Variants in KSR1 observed in about 807,000 individuals in gnomAD.
The protein encoded by KSR1 is kinase suppressor of ras 1.
In KSR1, 35 loss-of-function variants were observed where a neutral mutation model predicts 92.9. The observed-to-expected ratio is 0.38, with a 90% CI of 0.29 to 0.50. The LOEUF is 0.50. Among genes scored for constraint, KSR1 ranks in the 20% least tolerant of loss-of-function variants. KSR1 has a pLI of 0.94. For synonymous variants in KSR1, 467 were observed against 472.6 expected (o/e 0.99, Z 0.15); for missense variants, 972 against 1,158.5 (o/e 0.84, Z 2.34).
intron 1 of KSR1, among the ~76,000 whole-genome samples, chr17:27,497,931 G>A (rs987903475): frequency 2.2e-4 from 33 of 152,294 alleles, no homozygotes; most frequent in African/African-American, 7.2e-4. Flanking sequence ...GTTTCTTTCC[G>A]GGATGGGCAG....
intron 1 of KSR1, among the ~76,000 whole-genome samples, chr17:27,532,533 T>G (rs2070581674): frequency 6.6e-6 from 1 of 152,222 alleles, no homozygotes; most frequent in African/African-American, 2.4e-5. Context: ...GCATCTCCGC[T>G]TCGAGCTGTT....
rs148377061 is a variant in KSR1, at chr17:27,510,415, G to A, written c.232-40153G>A. 2.1e-3 allele frequency among the ~76,000 whole-genome samples: 326 copies of A among 152,318 alleles called. 3 individuals are homozygous for A. Among genetic ancestry groups the A allele is most frequent in the South Asian group, 6.4e-3 (31 of 4,828 alleles). On this transcript the variant is annotated intron_variant, in intron 1 of 20. Transcript: ENST00000644974. ...AAGAGTTATAAGGACCGAGTGAGTAGACGTAAAAAGGCTTGGTTGCCAATA... is the reference window on the plus strand; with the variant it reads ...AAGAGTTATAAGGACCGAGTGAGTAAACGTAAAAAGGCTTGGTTGCCAATA...
chr17:27,469,834 G>A (rs941383757), intron 1 of KSR1, among the ~76,000 whole-genome samples: 2 of 152,130 alleles, frequency 1.3e-5, no homozygotes, highest in African/African-American at 4.8e-5. Flanking sequence ...CATTTTCCGT[G>A]TTATTGGACA....
chr17:27,592,551 C>G lies in KSR1; in HGVS notation c.1224C>G (p.Pro408=). 1 of 1,613,978 alleles carries G rather than the reference C, an allele frequency of 6.2e-7. No individual in the cohort carries two copies. The highest frequency in any genetic ancestry group is 8.5e-7 in the Non-Finnish European group (1 of 1,179,888). The change falls in exon 9 of 21, where the codon CCC becomes CCG. Residue 408 remains proline (P), a synonymous_variant. Transcript: ENST00000644974. The stretch of plus-strand genomic sequence containing the variant: ...GGCTTCGGAGGACAGAATCTGTCCC[C>G]TCGGACATCAACAACCCGGTGGACA... ...LTRLRRTESV[P]SDINNPVDRA...
intron 11 of KSR1, among the ~76,000 whole-genome samples, chr17:27,602,425 A>G (rs758289526): frequency 6.6e-6 from 1 of 152,228 alleles, no homozygotes; most frequent in Non-Finnish European, 1.5e-5. Flanking sequence ...TTGGGAAGAT[A>G]TGGCTCTTCT....
intron 10 of KSR1, among the ~76,000 whole-genome samples, chr17:27,600,210 G>A (rs567687273): frequency 4.0e-5 from 6 of 151,700 alleles, no homozygotes; most frequent in East Asian, 1.9e-4. Context: ...CAAGGTGGGC[G>A]GATCACCTGA....
At chr17:27,513,771 G>C (rs1315413361) in intron 1 of KSR1, among the ~76,000 whole-genome samples, 1 of 152,344 alleles carries the variant, frequency 6.6e-6, no homozygotes, top group South Asian at 2.1e-4. Context: ...CAGAATACGG[G>C]AGTTGCATGT....
chr17:27,583,610 T>C (rs1161980182), intron 4 of KSR1, among the ~76,000 whole-genome samples: 1 of 152,232 alleles, frequency 6.6e-6, no homozygotes, highest in Non-Finnish European at 1.5e-5. Flanking sequence ...GAAACAGTGC[T>C]CTTTGCCCAC....
intron 20 of KSR1, chr17:27,622,793 T>A (rs538348640): frequency 5.5e-6 from 1 of 181,258 alleles, no homozygotes; most frequent in South Asian, 1.3e-4. Flanking sequence ...ATGCACTGTT[T>A]ACCAAATGCA....
At chr17:27,517,323 T>G (rs895139472) in intron 1 of KSR1, among the ~76,000 whole-genome samples, 2 of 152,234 alleles carry the variant, frequency 1.3e-5, no homozygotes, top group Admixed American at 6.5e-5. Context: ...TCTTTTTCTT[T>G]TTATTTTATT....
intron 1 of KSR1, among the ~76,000 whole-genome samples, chr17:27,469,894 G>A (rs890176710): frequency 6.6e-6 from 1 of 151,898 alleles, no homozygotes. Context: ...GAATGGAATC[G>A]TCTTTATATA....
At chr17:27,600,495 G>A (rs890105792) in intron 10 of KSR1, among the ~76,000 whole-genome samples, 1 of 151,974 alleles carries the variant, frequency 6.6e-6, no homozygotes, top group African/African-American at 2.4e-5. Flanking sequence ...GTACAATATA[G>A]TAAATACATA....
At chr17:27,616,669 G>A (rs970498508) in intron 18 of KSR1, among the ~76,000 whole-genome samples, 76 of 152,288 alleles carry the variant, frequency 5.0e-4, no homozygotes, top group Admixed American at 1.3e-3. Flanking sequence ...CTGCCTGGTC[G>A]TATGTGCAAG....
At chr17:27,470,857 A>T (rs1597831531) in intron 1 of KSR1, among the ~76,000 whole-genome samples, 1 of 142,294 alleles carries the variant, frequency 7.0e-6, no homozygotes, top group South Asian at 2.3e-4. Flanking sequence ...TCTTCTGTGC[A>T]TTCATTCAGT....
chr17:27,591,365 A>T (rs953867277), intron 7 of KSR1, among the ~76,000 whole-genome samples: 1 of 152,124 alleles, frequency 6.6e-6, no homozygotes, highest in Admixed American at 6.5e-5. Flanking sequence ...AAGGATAGGG[A>T]ACAGTGTGGG....
chr17:27,520,286 C>T (rs773812165), intron 1 of KSR1, among the ~76,000 whole-genome samples: 14 of 152,182 alleles, frequency 9.2e-5, no homozygotes, highest in Non-Finnish European at 8.8e-5. Context: ...TAAAGGGCAC[C>T]GAAGGGATTT....
intron 1 of KSR1, among the ~76,000 whole-genome samples, chr17:27,506,172 A>G (rs995860446): frequency 1.3e-5 from 2 of 152,214 alleles, no homozygotes; most frequent in Non-Finnish European, 2.9e-5. Context: ...CACCACGGGA[A>G]GGCAATAGTG....
Position 27,583,085 on chromosome 17 carries a change from T to C in KSR1, c.960T>C (p.Ile320=), listed in dbSNP as rs936121274. The change falls in exon 4 of 21, where the codon ATT becomes ATC. Residue 320 remains isoleucine (I), a synonymous_variant. Coordinates refer to ENST00000644974, the MANE Select transcript of KSR1 (RefSeq NM_001394583.1). ...KSHESQLGNR[I]DDVSSMRFDL... ...ATGAGTCTCAGCTGGGGAACCGCAT[T>C]GATGACGTCTCCTCGATGAGGTGAG... 6.4e-7 allele frequency: 1 copy of C among 1,572,264 alleles called. No homozygotes were observed. Among genetic ancestry groups the C allele is most frequent in the Non-Finnish European group, 8.6e-7 (1 of 1,156,610 alleles).
rs61318264 is a variant in KSR1, at chr17:27,598,782, C to T, written c.1468+1346C>T. Among the ~76,000 whole-genome samples, 577 of 152,314 alleles carry T rather than the reference C, an allele frequency of 3.8e-3. 5 individuals carry two copies. Among genetic ancestry groups the T allele is most frequent in the African/African-American group, 0.011 (463 of 41,558 alleles). ...TGATGTCCCCAGATTGGGCCTTCAT[C>T]GTCCCCTGCACAGAGGCCTCACTCT... On this transcript the variant is annotated intron_variant, in intron 10 of 20. Transcript: ENST00000644974.
Sources: gnomAD v4.1 joint callset for allele counts (sites outside exome capture counted in the v4.1 genomes callset) on GRCh38, gnomAD v4.1.1 for gene constraint, MANE v1.5 for transcripts, NCBI Gene and HGNC (gene_info 2026-07-23, HGNC 2026-07-21) for gene names.